The following CCDC33 variants were observed in gnomAD, a reference collection of about 807,000 sequenced individuals.
The protein encoded by CCDC33 is coiled-coil domain-containing protein 33.
A neutral mutation model predicts 91.9 loss-of-function variants in CCDC33; 94 were observed. That is an observed-to-expected ratio of 1.02 (90% CI 0.87 to 1.21). The LOEUF (loss-of-function observed/expected upper bound fraction) is 1.21. CCDC33 is among the 50% of genes most tolerant of loss of function. The pLI is 0.00. For missense variants in CCDC33, 940 were observed against 935.5 expected (o/e 1.00, Z -0.06); for synonymous variants, 396 against 374.5 (o/e 1.06, Z -0.66).
At position 74,331,221 on chromosome 15, in the gene CCDC33, C is replaced by G; in HGVS notation, c.1696C>G (p.Arg566Gly). Residue 566 changes from arginine (R) to glycine (G), a missense_variant, in exon 15 of 19, where the codon CGG becomes GGG. Physicochemically the swap from Arg to Gly is moderately radical, Grantham distance 125. Coordinates refer to ENST00000398814, the MANE Select transcript of CCDC33 (RefSeq NM_025055.5). ...HQEKVIEKME[R>G]VLEDRLQDRS... ...TCTCCAGGTGATCGAGAAGATGGAG[C>G]GGGTGCTGGAGGACAGGCTGCAGGA... 3.7e-6 allele frequency: 6 copies of G among 1,614,140 alleles called. No homozygotes were observed. Among genetic ancestry groups the G allele is most frequent in the Non-Finnish European group, 5.1e-6 (6 of 1,180,010 alleles).
intron 2 of CCDC33, among the ~76,000 whole-genome samples, chr15:74,256,781 C>T (rs2075879448): frequency 6.6e-6 from 1 of 152,218 alleles, no homozygotes; most frequent in Non-Finnish European, 1.5e-5. Flanking sequence ...GAAGGTGCAA[C>T]AATGCCCAGA....
chr15:74,272,831 C>T lies in CCDC33; in HGVS notation c.699C>T (p.Phe233=), dbSNP rs747931018. 1 of 1,614,232 alleles carries T rather than the reference C, an allele frequency of 6.2e-7. No homozygotes were observed. The highest frequency in any genetic ancestry group is 1.1e-5 in the South Asian group (1 of 91,082). The change falls in exon 7 of 19, where the codon TTC becomes TTT. Residue 233 remains phenylalanine, a synonymous_variant. Coordinates refer to ENST00000398814, the MANE Select transcript of CCDC33 (RefSeq NM_025055.5). ...SVGLPITPLS[F]PIPSMMNFDV... ...GGCTGCCCATCACCCCACTGTCCTT[C>T]CCTATCCCGTCCATGATGAACTTTG...
At chr15:74,301,854 CTT>C (rs1291630617) in intron 11 of CCDC33, 2 of 152,108 alleles carry the variant, frequency 1.3e-5, no homozygotes, top group African/African-American at 4.8e-5. Context: ...CGCTCTCTCT[CTT>C]TTTCTCCCTC....
intron 11 of CCDC33, among the ~76,000 whole-genome samples, chr15:74,306,113 C>T (rs2059889737): frequency 6.6e-6 from 1 of 152,158 alleles, no homozygotes; most frequent in Non-Finnish European, 1.5e-5. Flanking sequence ...AGGCCTCTCC[C>T]TCTGACCCCC....
rs572997968 is a variant in CCDC33 at position 74,242,735 on chromosome 15, G to A, written c.22-1250G>A. Among the ~76,000 whole-genome samples the A allele has an allele frequency of 3.9e-5, 6 of 152,112 alleles. No homozygotes were observed. The South Asian group carries it at 1.2e-3, about 32-fold the overall frequency. On this transcript the variant is annotated intron_variant, in intron 1 of 18. Transcript: ENST00000398814. The stretch of plus-strand genomic sequence containing the variant: ...CGGCCAGTGGAGGACCAGGGCCAGG[G>A]AGGACAAGGACACCCCTGAGCCACA...
At chr15:74,239,528 T>C (rs2142243045) in intron 1 of CCDC33, among the ~76,000 whole-genome samples, 1 of 152,258 alleles carries the variant, frequency 6.6e-6, no homozygotes, top group South Asian at 2.1e-4. Flanking sequence ...CTTCCAATCT[T>C]GCCAGGCCCA....
At chr15:74,334,951 A>G in intron 17 of CCDC33, 24 bp from the exon 18 acceptor site, 1 of 1,581,402 alleles carries the variant, frequency 6.3e-7, no homozygotes, top group East Asian at 2.2e-5. Context: ...ATGGTCCTCC[A>G]ATTGTCCCTC....
At chr15:74,263,553 A>G (rs995658514) in intron 3 of CCDC33, among the ~76,000 whole-genome samples, 1 of 152,254 alleles carries the variant, frequency 6.6e-6, no homozygotes, top group Non-Finnish European at 1.5e-5. Flanking sequence ...TTCTAGGTCA[A>G]GCCAGATAAT....
upstream of CCDC33, among the ~76,000 whole-genome samples, chr15:74,234,838 C>G (rs1595906216): frequency 6.6e-6 from 1 of 152,244 alleles, no homozygotes; most frequent in Non-Finnish European, 1.5e-5. Context: ...ATGTGAGGCT[C>G]TGTGTCGGGA....
At chr15:74,272,457 C>T (rs550351173) in intron 6 of CCDC33, among the ~76,000 whole-genome samples, 3 of 152,314 alleles carry the variant, frequency 2.0e-5, no homozygotes, top group South Asian at 4.1e-4. Flanking sequence ...GCCACAGCAC[C>T]GACTCCTGGG....
At chr15:74,327,182 C>T (rs1034680051) in intron 11 of CCDC33, among the ~76,000 whole-genome samples, 12 of 152,208 alleles carry the variant, frequency 7.9e-5, no homozygotes, top group African/African-American at 2.4e-4. Context: ...GGGATAGGCA[C>T]CTGTGGAGGC....
intron 11 of CCDC33, chr15:74,303,341 G>C (rs967538894): frequency 6.6e-6 from 1 of 152,440 alleles, no homozygotes; most frequent in African/African-American, 2.4e-5. Context: ...CAGGGTCTGG[G>C]AGTACGAGAG....
At chr15:74,308,927 T>A (rs1596085113) in intron 11 of CCDC33, among the ~76,000 whole-genome samples, 1 of 151,534 alleles carries the variant, frequency 6.6e-6, no homozygotes, top group Non-Finnish European at 1.5e-5. Flanking sequence ...GTAGGGAGGG[T>A]CCTGTGGAGG....
At chr15:74,232,056 G>A (rs754276257), upstream of CCDC33, among the ~76,000 whole-genome samples, 4 of 152,120 alleles carry the variant, frequency 2.6e-5, no homozygotes, top group South Asian at 2.1e-4. Context: ...CTCCGGGAGC[G>A]TAAATGTGAG....
At chr15:74,317,615 T>C (rs2060115543) in intron 11 of CCDC33, among the ~76,000 whole-genome samples, 1 of 152,166 alleles carries the variant, frequency 6.6e-6, no homozygotes, top group South Asian at 2.1e-4. Context: ...AGTCATCTAT[T>C]CATTCATTAA....
chr15:74,335,146 C>G (rs528890370), intron 18 of CCDC33, 58 bp downstream of exon 18: 3 of 1,342,910 alleles, frequency 2.2e-6, no homozygotes, highest in Non-Finnish European at 3.2e-6. Flanking sequence ...AGGAAGCCAC[C>G]GCACCCCCAA....
rs1391359437 is a variant in CCDC33 at position 74,263,151 on chromosome 15, G to A, written c.319+578G>A. Reference sequence around the variant, plus strand: ...CCCCAGGTGTCAGCCTGAGCCACGAGGTGCCCATGTACACACATGCATGTG... The same window carrying A: ...CCCCAGGTGTCAGCCTGAGCCACGAAGTGCCCATGTACACACATGCATGTG... On this transcript the variant is annotated intron_variant, in intron 3 of 18. Transcript: ENST00000398814. Among the ~76,000 whole-genome samples the A allele has an allele frequency of 3.3e-5, 5 of 152,312 alleles. No homozygotes were observed. In the South Asian group the frequency reaches 6.2e-4, roughly 19 times the overall value.
At chr15:74,273,470 T>C (rs947247473) in intron 7 of CCDC33, among the ~76,000 whole-genome samples, 2 of 152,244 alleles carry the variant, frequency 1.3e-5, no homozygotes, top group African/African-American at 2.4e-5. Flanking sequence ...TTTAACCCAG[T>C]AAAAAAATTT....
chr15:74,319,819 G>C (rs1410262340), intron 11 of CCDC33: 2 of 152,222 alleles, frequency 1.3e-5, no homozygotes, highest in Non-Finnish European at 2.9e-5. Flanking sequence ...AATTAGACAG[G>C]GGCTGAGGTC....
Sources: allele counts gnomAD v4.1 joint callset (sites outside exome capture counted in the v4.1 genomes callset), GRCh38; gene constraint gnomAD v4.1.1; transcripts MANE v1.5; gene names NCBI Gene and HGNC (gene_info 2026-07-23, HGNC 2026-07-21).